The following STN1 variants were observed in gnomAD, a reference collection of about 807,000 sequenced individuals.
STN1 encodes the protein CST complex subunit STN1.
A neutral mutation model predicts 45.5 loss-of-function variants in STN1; 29 were observed. That is an observed-to-expected ratio of 0.64 (90% CI 0.47 to 0.87). The LOEUF (loss-of-function observed/expected upper bound fraction) is 0.87. Among genes scored for constraint, STN1 ranks in the 40% least tolerant of loss-of-function variants. The pLI is 0.00. For synonymous variants in STN1, 148 were observed against 159.0 expected, an observed-to-expected ratio of 0.93 and a Z score of 0.52; for missense variants, 376 against 441.4, an observed-to-expected ratio of 0.85 and a Z score of 1.33.
Position 103,880,898 on chromosome 10 carries a change from T to C in STN1, c.*1786A>G, listed in dbSNP as rs1843064452. The stretch of plus-strand genomic sequence containing the variant: ...GACTGTGTGTGTGTATATATATATA[T>C]ATGTACATGTGCTACATTTATAAAG... On this transcript the variant is annotated 3_prime_UTR_variant, in exon 10 of 10. Coordinates refer to ENST00000224950, the MANE Select transcript of STN1 (RefSeq NM_024928.5). 6.6e-6 allele frequency among the ~76,000 whole-genome samples: 1 copy of C among 152,128 alleles called. No individual in the cohort carries two copies. The highest frequency in any genetic ancestry group is 2.4e-5 in the African/African-American group (1 of 41,406).
At chr10:103,917,708 G>GGA in intron 1 of STN1, 52 bp from the exon 2 acceptor site, 1 of 1,240,764 alleles carries the variant, frequency 8.1e-7, no homozygotes, top group South Asian at 1.4e-5. Flanking sequence ...GGGTCAAAGT[G>GGA]GCACGGCCCT....
chr10:103,904,235 T>A (rs1015211711), intron 4 of STN1, among the ~76,000 whole-genome samples: 1 of 151,848 alleles, frequency 6.6e-6, no homozygotes, highest in Non-Finnish European at 1.5e-5. Flanking sequence ...AAAAACAAGG[T>A]TCCAGTTTTC....
At chr10:103,904,353 A>C (rs914641376) in intron 4 of STN1, among the ~76,000 whole-genome samples, 5 of 152,038 alleles carry the variant, frequency 3.3e-5, no homozygotes, top group African/African-American at 1.2e-4. Flanking sequence ...TGGTGGCTCA[A>C]GCCTGTAATC....
At chr10:103,903,159 A>G (rs1843220168) in intron 4 of STN1, among the ~76,000 whole-genome samples, 1 of 152,336 alleles carries the variant, frequency 6.6e-6, no homozygotes. Flanking sequence ...GAACACAGCC[A>G]TGCCCATTTG....
At chr10:103,902,969 A>C (rs1843218873) in intron 4 of STN1, among the ~76,000 whole-genome samples, 1 of 152,242 alleles carries the variant, frequency 6.6e-6, no homozygotes, top group South Asian at 2.1e-4. Context: ...CTCAGTATTA[A>C]TACCCATTTT....
intron 7 of STN1, among the ~76,000 whole-genome samples, chr10:103,894,784 C>G (rs577388924): frequency 3.3e-5 from 5 of 151,674 alleles, no homozygotes; most frequent in Non-Finnish European, 7.4e-5. Context: ...AGGTCAGGAA[C>G]TGGGTGGATC....
At position 103,889,985 on chromosome 10, in the gene STN1, G is replaced by A. The variant is rs1464434911; in HGVS notation, c.877-841C>T. 2.6e-5 allele frequency among the ~76,000 whole-genome samples: 4 copies of A among 152,096 alleles called. No homozygotes were observed. The South Asian group carries it at 8.3e-4, about 32-fold the overall frequency. On this transcript the variant is annotated intron_variant, in intron 8 of 9. Transcript: ENST00000224950. ...CTCCCAAAGTGCTGGGATTATAGGC[G>A]TGAGCCACCGCACCTGGCCAACTTA... is the stretch of plus-strand genomic sequence containing the variant.
Position 103,906,516 on chromosome 10 carries a change from C to T in STN1, c.230-1360G>A, listed in dbSNP as rs374744156. On this transcript the variant is annotated intron_variant, in intron 3 of 9. Transcript: ENST00000224950. ...TACCAAAAAAAAATTTTTAAATTAG[C>T]CAGGCTTGGTGGTATGTGCCTGTAG... Among the ~76,000 whole-genome samples the T allele has an allele frequency of 1.6e-4, 24 of 152,058 alleles. 1 individual carries two copies. Among genetic ancestry groups the T allele is most frequent in the Admixed American group, 1.1e-3 (17 of 15,276 alleles).
At chr10:103,896,287 A>C (rs1282534138) in intron 7 of STN1, among the ~76,000 whole-genome samples, 1 of 152,158 alleles carries the variant, frequency 6.6e-6, no homozygotes, top group Non-Finnish European at 1.5e-5. Flanking sequence ...ACAGAACTTA[A>C]ATTCTGATGG....
At chr10:103,898,113 A>G (rs1357819402) in intron 6 of STN1, among the ~76,000 whole-genome samples, 1 of 152,222 alleles carries the variant, frequency 6.6e-6, no homozygotes, top group Admixed American at 6.5e-5. Flanking sequence ...CTGAGGCAGG[A>G]GACAGGAAAA....
At chr10:103,900,730 A>ACACACTCT (rs369269804) in intron 4 of STN1, among the ~76,000 whole-genome samples, 16 of 146,204 alleles carry the variant, frequency 1.1e-4, no homozygotes, top group Non-Finnish European at 2.1e-4. Context: ...ACACACACAC[A>ACACACTCT]CTCTCTCTCT....
intron 4 of STN1, among the ~76,000 whole-genome samples, chr10:103,900,908 G>T (rs1843206240): frequency 6.6e-6 from 1 of 152,136 alleles, no homozygotes; most frequent in Non-Finnish European, 1.5e-5. Flanking sequence ...GAATGTCTGG[G>T]TACTATAGAT....
intron 6 of STN1, among the ~76,000 whole-genome samples, chr10:103,898,587 A>G (rs1376458230): frequency 1.3e-5 from 2 of 152,116 alleles, no homozygotes; most frequent in Admixed American, 1.3e-4. Flanking sequence ...GTCAGGCATT[A>G]TTATTTCTTC....
At chr10:103,884,571 A>G (rs180858909) in intron 9 of STN1, among the ~76,000 whole-genome samples, 84 of 152,296 alleles carry the variant, frequency 5.5e-4, no homozygotes, top group African/African-American at 1.9e-3. Context: ...AGGCGCAGGC[A>G]TGGTCTCTCT....
intron 2 of STN1, among the ~76,000 whole-genome samples, chr10:103,914,351 T>C (rs1191060727): frequency 0.023 from 346 of 15,128 alleles, 41 homozygotes; most frequent in South Asian, 0.15. Context: ...TATATATATA[T>C]ATATATATAT....
In STN1 at chr10:103,909,398, G is replaced by GTA. The variant is rs1288298715; in HGVS notation, c.229+1127_229+1128dup. On this transcript the variant is annotated intron_variant, in intron 3 of 9. Transcript: ENST00000224950. Reference sequence around the variant, plus strand: ...TATATATGTATATATATGTATATATGTATATATATGTATATATGTATATAT... The same window carrying GTA: ...TATATATGTATATATATGTATATATGTATATATATATGTATATATGTATATAT... 6.0e-3 allele frequency among the ~76,000 whole-genome samples: 375 copies of GTA among 62,926 alleles called. 1 individual carries two copies. The highest frequency in any genetic ancestry group is 7.2e-3 in the Non-Finnish European group (211 of 29,362). The allele number at this position is 62,926 out of a possible 152,430, so 41.3% of individuals were successfully genotyped here.
chr10:103,906,503 A>T lies in STN1; in HGVS notation c.230-1347T>A, dbSNP rs758785828. Reference sequence around the variant, plus strand: ...GAGACCCCGTCTCTACCAAAAAAAAATTTTTAAATTAGCCAGGCTTGGTGG... The same window carrying T: ...GAGACCCCGTCTCTACCAAAAAAAATTTTTTAAATTAGCCAGGCTTGGTGG... On this transcript the variant is annotated intron_variant, in intron 3 of 9. Transcript: ENST00000224950. 1.3e-4 allele frequency among the ~76,000 whole-genome samples: 20 copies of T among 152,088 alleles called. No homozygotes were observed. In the East Asian group the frequency reaches 1.5e-3, roughly 12 times the overall value.
rs1442071238 is a variant in STN1, at chr10:103,910,605, C to A, written c.151G>T (p.Gly51Ter). ...RQVPGVFLYN[G>*]HPIKQVDVLG... ...ACATCTACCTGTTTTATTGGATGTC[C>A]ATTGTACAAAAATACACCTAAAATT... The change falls in exon 3 of 10, where the codon GGA becomes TGA. Residue 51 changes from glycine (G) to a stop codon, truncating the protein, a stop_gained. Coordinates refer to ENST00000224950, the MANE Select transcript of STN1 (RefSeq NM_024928.5). LOFTEE classifies it high-confidence loss of function. 1 of 1,604,578 alleles carries A rather than the reference C, an allele frequency of 6.2e-7. No individual in the cohort carries two copies. Among genetic ancestry groups the A allele is most frequent in the South Asian group, 1.1e-5 (1 of 90,722 alleles).
chr10:103,917,325 CG>C, intron 2 of STN1, 136 bp downstream of exon 2: 1 of 524,470 alleles, frequency 1.9e-6, no homozygotes, highest in Non-Finnish European at 3.1e-6. Context: ...TGAACTCATG[CG>C]AAGGTCCAGG....
Sources: gnomAD v4.1 joint callset for allele counts (sites outside exome capture counted in the v4.1 genomes callset) on GRCh38, gnomAD v4.1.1 for gene constraint, MANE v1.5 for transcripts, NCBI Gene and HGNC (gene_info 2026-07-23, HGNC 2026-07-21) for gene names.